Variants in DCLK2 observed in about 807,000 individuals in gnomAD.
The protein encoded by DCLK2 is doublecortin like kinase 2, also known as serine/threonine-protein kinase DCLK2.
In DCLK2, 31 loss-of-function variants were observed where a neutral mutation model predicts 78.4. The ratio of observed to expected loss-of-function variants is 0.40; its 90% confidence interval spans 0.30 to 0.53. The LOEUF (loss-of-function observed/expected upper bound fraction) is 0.53. Ranked by LOEUF, DCLK2 falls within the 20% of genes least tolerant of loss-of-function variation. The pLI is 0.61. For synonymous variants in DCLK2, 407 were observed against 374.9 expected (o/e 1.09, Z -0.99); for missense variants, 872 against 973.7 (o/e 0.90, Z 1.39).
chr4:150,245,750 C>G (rs948546934), intron 12 of DCLK2, among the ~76,000 whole-genome samples: 1 of 152,182 alleles, frequency 6.6e-6, no homozygotes, highest in Admixed American at 6.5e-5. Context: ...GCCACATTTT[C>G]TTAATCCAGT....
chr4:150,079,501 GT>G (rs1729084395), intron 1 of DCLK2, 53 bp downstream of exon 1: 1 of 1,432,082 alleles, frequency 7.0e-7, no homozygotes, highest in African/African-American at 1.5e-5. Context: ...GGCAGGTGCA[GT>G]GGGCGTGAGC....
At chr4:150,143,793 T>C (rs1490668746) in intron 2 of DCLK2, among the ~76,000 whole-genome samples, 2 of 152,154 alleles carry the variant, frequency 1.3e-5, no homozygotes, top group African/African-American at 4.8e-5. Flanking sequence ...TTTGCATTTC[T>C]CTGACTAGTT....
chr4:150,134,656 G>A (rs1197594448), intron 2 of DCLK2, among the ~76,000 whole-genome samples: 1 of 152,120 alleles, frequency 6.6e-6, no homozygotes, highest in Non-Finnish European at 1.5e-5. Flanking sequence ...AAGTGCCTAG[G>A]AAGCACGTAT....
At chr4:150,252,428 C>A (rs925417236) in intron 15 of DCLK2, among the ~76,000 whole-genome samples, 1 of 152,170 alleles carries the variant, frequency 6.6e-6, no homozygotes, top group Non-Finnish European at 1.5e-5. Context: ...AGAGTTTGCT[C>A]GGAGACTGTG....
intron 3 of DCLK2, among the ~76,000 whole-genome samples, chr4:150,194,436 T>G (rs895894161): frequency 2.6e-5 from 4 of 152,206 alleles, no homozygotes; most frequent in African/African-American, 9.7e-5. Flanking sequence ...GAAAGAAAGC[T>G]ATTTCTTTGG....
At chr4:150,191,940 T>G (rs1738485085) in intron 2 of DCLK2, among the ~76,000 whole-genome samples, 2 of 152,234 alleles carry the variant, frequency 1.3e-5, no homozygotes, top group African/African-American at 4.8e-5. Flanking sequence ...GTCAGCCTGT[T>G]CAAGTACTAG....
intron 2 of DCLK2, among the ~76,000 whole-genome samples, chr4:150,127,172 C>G (rs2150191194): frequency 6.6e-6 from 1 of 152,216 alleles, no homozygotes; most frequent in Non-Finnish European, 1.5e-5. Flanking sequence ...GTTTCTCCAC[C>G]TGTACATTTA....
chr4:150,127,375 A>G (rs576759114), intron 2 of DCLK2, among the ~76,000 whole-genome samples: 2 of 152,312 alleles, frequency 1.3e-5, no homozygotes, highest in South Asian at 2.1e-4. Flanking sequence ...TTAACTTGAT[A>G]AGGAAGAGCT....
At chr4:150,165,548 C>A (rs921687470) in intron 2 of DCLK2, among the ~76,000 whole-genome samples, 1 of 152,262 alleles carries the variant, frequency 6.6e-6, no homozygotes, top group Non-Finnish European at 1.5e-5. Context: ...ACACAATAAA[C>A]ATTTTATGGT....
chr4:150,239,705 A>C (rs752581436), intron 10 of DCLK2, 37 bp from the exon 11 acceptor site: 1 of 1,607,716 alleles, frequency 6.2e-7, no homozygotes, highest in East Asian at 2.2e-5. Context: ...GTTGAGGAAA[A>C]AAAAATCTTC....
chr4:150,202,880 C>A (rs919685571), intron 4 of DCLK2, among the ~76,000 whole-genome samples: 1 of 151,996 alleles, frequency 6.6e-6, no homozygotes, highest in African/African-American at 2.4e-5. Flanking sequence ...TCTAATGATA[C>A]AATCAGGCAT....
At chr4:150,188,523 A>G (rs1283471668) in intron 2 of DCLK2, among the ~76,000 whole-genome samples, 4 of 152,160 alleles carry the variant, frequency 2.6e-5, no homozygotes, top group Non-Finnish European at 5.9e-5. Flanking sequence ...TAGAACCTGA[A>G]TCAGAGGGAG....
chr4:150,111,308 C>T (rs1479777599), intron 2 of DCLK2, among the ~76,000 whole-genome samples: 2 of 151,992 alleles, frequency 1.3e-5, no homozygotes, highest in Non-Finnish European at 2.9e-5. Context: ...CTATTTATGT[C>T]ATTTGCCCAC....
chr4:150,098,698 C>CTTTTT (rs59616581), intron 1 of DCLK2, among the ~76,000 whole-genome samples: 1 of 129,106 alleles, frequency 7.7e-6, no homozygotes. Flanking sequence ...TTTTCTTTTT[C>CTTTTT]TTTTTTTTTT....
At chr4:150,253,040 G>T (rs1479613543) in intron 15 of DCLK2, among the ~76,000 whole-genome samples, 3 of 152,182 alleles carry the variant, frequency 2.0e-5, no homozygotes, top group African/African-American at 7.2e-5. Context: ...GGGCATGGTT[G>T]TGTGGGGGAA....
chr4:150,121,110 T>TA (rs1732507954), intron 2 of DCLK2, among the ~76,000 whole-genome samples: 1 of 152,118 alleles, frequency 6.6e-6, no homozygotes, highest in Non-Finnish European at 1.5e-5. Flanking sequence ...CTTCAAGTCA[T>TA]AATCTTTTTG....
chr4:150,092,796 C>G (rs1351394471), intron 1 of DCLK2, among the ~76,000 whole-genome samples: 1 of 151,922 alleles, frequency 6.6e-6, no homozygotes, highest in Non-Finnish European at 1.5e-5. Context: ...AGGAATTTAC[C>G]TCAAAATAAT....
chr4:150,122,286 A>C (rs1354149661), intron 2 of DCLK2, among the ~76,000 whole-genome samples: 1 of 152,198 alleles, frequency 6.6e-6, no homozygotes, highest in Non-Finnish European at 1.5e-5. Context: ...AAATCATTCT[A>C]CTATAAAGAC....
At chr4:150,119,688 A>T (rs1412752368) in intron 2 of DCLK2, among the ~76,000 whole-genome samples, 3 of 152,214 alleles carry the variant, frequency 2.0e-5, no homozygotes, top group Non-Finnish European at 4.4e-5. Flanking sequence ...GTTGACTAGC[A>T]TGTTGATTTT....
Sources: gnomAD v4.1 joint callset for allele counts (sites outside exome capture counted in the v4.1 genomes callset) on GRCh38, gnomAD v4.1.1 for gene constraint, MANE v1.5 for transcripts, NCBI Gene and HGNC (gene_info 2026-07-23, HGNC 2026-07-21) for gene names.